Variants in RASIP1 observed in about 807,000 individuals in gnomAD.
RASIP1 encodes ras-interacting protein 1.
In RASIP1, 20 loss-of-function variants were observed where a neutral mutation model predicts 85.3. The observed-to-expected ratio is 0.23, with a 90% confidence interval of 0.17 to 0.34. The LOEUF is 0.34. RASIP1 is among the 10% of genes least tolerant of loss of function. RASIP1 has a pLI of 1.00. For missense variants in RASIP1, 1,170 were observed against 1,390.9 expected, an observed-to-expected ratio of 0.84 and a Z score of 2.53; for synonymous variants, 617 against 647.1, an observed-to-expected ratio of 0.95 and a Z score of 0.71.
In RASIP1 at chr19:48,739,619, C is replaced by G; in HGVS notation, c.164G>C (p.Arg55Pro). Reference sequence around the variant, plus strand: ...GGGCGGAGGTAGCGGCTCGCTGCTGCGGCTCCCCGTGTCCGACGAAGAAGA... The same window carrying G: ...GGGCGGAGGTAGCGGCTCGCTGCTGGGGCTCCCCGTGTCCGACGAAGAAGA... ...VKSSSSDTGS[R>P]SSEPLPPPPP... is the part of the protein sequence containing the mutation. The change falls in exon 3 of 12, where the codon CGC (arginine) becomes CCC (proline). Residue 55 changes from arginine to proline, a missense_variant. Around this residue, in one of 4 missense-constraint regions of RASIP1, gnomAD observed 299 missense variants for 394.4 expected, o/e 0.76. Coordinates refer to ENST00000222145, the MANE Select transcript of RASIP1 (RefSeq NM_017805.3). The surrounding 1 kb of genome is among the most constrained non-coding windows in gnomAD (Gnocchi z 9.2). 1 of 1,446,408 alleles carries G rather than the reference C, an allele frequency of 6.9e-7. No individual in the cohort carries two copies. Among genetic ancestry groups the G allele is most frequent in the Non-Finnish European group, 9.1e-7 (1 of 1,099,192 alleles). The allele number at this position is 1,446,408 out of a possible 1,614,324, so 89.6% of individuals were successfully genotyped here. A position where few individuals can be genotyped will look rare whatever the true frequency, so the allele number is the denominator to read the frequency against.
rs1414139099 is a variant in RASIP1 at position 48,728,973 on chromosome 19, C to T, written c.1797G>A (p.Leu599=). The T allele has an allele frequency of 6.9e-7, 1 of 1,459,476 alleles. No homozygotes were observed. Among genetic ancestry groups the T allele is most frequent in the Non-Finnish European group, 9.0e-7 (1 of 1,114,614 alleles). The allele number at this position is 1,459,476 out of a possible 1,614,324, so 90.4% of individuals were successfully genotyped here. ...CCTTGATGAGCCGGGCCAGGCGGCC[C>T]AGCAGTCGTGGCAGGTGGCCCAGCT... ...ELELGHLPRL[L]GRLARLIKEA... Residue 599 remains leucine, a synonymous_variant, in exon 5 of 12, where the codon CTG becomes CTA. Transcript: ENST00000222145.
chr19:48,723,872 A>G (rs1289295119), intron 10 of RASIP1, among the ~76,000 whole-genome samples: 2 of 150,260 alleles, frequency 1.3e-5, no homozygotes, highest in Non-Finnish European at 2.9e-5. Context: ...CAATGGTGCA[A>G]TCTTGGCTCA....
rs746678297 is a variant in RASIP1 at position 48,720,753 on chromosome 19, A to C, written c.*45T>G. On this transcript the variant is annotated 3_prime_UTR_variant, in exon 12 of 12. Transcript: ENST00000222145. Reference sequence around the variant, plus strand: ...GCTCAGGCGGGCTCCTGTCCGTAGAAGCCCGTGACATTTCAAGGTTCGCGC... The same window carrying C: ...GCTCAGGCGGGCTCCTGTCCGTAGACGCCCGTGACATTTCAAGGTTCGCGC... 1.9e-6 allele frequency: 3 copies of C among 1,591,314 alleles called. No homozygotes were observed. The highest frequency in any genetic ancestry group is 3.3e-5 in the Admixed American group (2 of 59,920).
chr19:48,724,694 G>C lies in RASIP1; in HGVS notation c.2371+23C>G. ...CAGTGGCTCCTGTCTTTGCCTCCCTGACAGCTCCCAGCCAACCTTCACCTC... is the reference window on the plus strand; with the variant it reads ...CAGTGGCTCCTGTCTTTGCCTCCCTCACAGCTCCCAGCCAACCTTCACCTC... On this transcript the variant is annotated intron_variant, in intron 9 of 11. Coordinates refer to ENST00000222145, the MANE Select transcript of RASIP1 (RefSeq NM_017805.3). The surrounding 1 kb of genome is among the most constrained non-coding windows in gnomAD (Gnocchi z 4.6). 6.2e-7 allele frequency: 1 copy of C among 1,613,422 alleles called. No homozygotes were observed.
At position 48,729,409 on chromosome 19, in the gene RASIP1, C is replaced by A; in HGVS notation, c.1361G>T (p.Arg454Leu). Residue 454 changes from arginine (R) to leucine (L), a missense_variant, in exon 5 of 12, where the codon CGG (arginine) becomes CTG (leucine). Coordinates refer to ENST00000222145, the MANE Select transcript of RASIP1 (RefSeq NM_017805.3). The stretch of plus-strand genomic sequence containing the variant: ...CCCGTTGTGCGTGACTGGGGCGCCC[C>A]GGGACGGGCGCACCATGGCCGGGTG... ...PEHPAMVRPS[R>L]GAPVTHNGCL... The A allele has an allele frequency of 6.4e-7, 1 of 1,556,580 alleles. No individual in the cohort carries two copies. The highest frequency in any genetic ancestry group is 2.4e-5 in the East Asian group (1 of 41,470).
At chr19:48,735,818 C>G (rs1486834306) in intron 3 of RASIP1, among the ~76,000 whole-genome samples, 1 of 149,652 alleles carries the variant, frequency 6.7e-6, no homozygotes, top group Admixed American at 6.6e-5. Flanking sequence ...TATTTCAATA[C>G]GTAGTCTCGC....
chr19:48,721,044 G>GGTAGTTGCATC, intron 11 of RASIP1, 47 bp from the exon 12 acceptor site: 1 of 1,471,980 alleles, frequency 6.8e-7, no homozygotes, highest in East Asian at 2.4e-5. Context: ...GTGGGAGTGA[G>GGTAGTTGCATC]GTAGTTGCAT....
intron 10 of RASIP1, 127 bp from the exon 11 acceptor site, chr19:48,722,128 CA>C: frequency 1.1e-6 from 1 of 928,582 alleles, no homozygotes; most frequent in South Asian, 2.8e-5. Context: ...GTCTTCTGGG[CA>C]CTGTGAAGTC....
rs1442540646 is a variant in RASIP1 at position 48,738,803 on chromosome 19, G to A, written c.823+157C>T. 1 of 952,224 alleles carries A rather than the reference G, an allele frequency of 1.1e-6. No homozygotes were observed. The highest frequency in any genetic ancestry group is 1.7e-5 in the African/African-American group (1 of 57,842). 59.0% of individuals were successfully genotyped at this position (952,224 alleles called of 1,614,324 possible). ...CCCGGCCCTGCTCTAGCTCTGCCTA[G>A]AGTCCAACACGCACCGTCCAGTCCC... On this transcript the variant is annotated intron_variant, in intron 3 of 11. Transcript: ENST00000222145. This position sits in a 1 kb window ranked among gnomAD's most constrained non-coding sequence, Gnocchi z 4.0.
intron 5 of RASIP1, 41 bp from the exon 6 acceptor site, chr19:48,727,471 A>C (rs1402710750): frequency 6.3e-7 from 1 of 1,595,090 alleles, no homozygotes; most frequent in Non-Finnish European, 8.6e-7. Flanking sequence ...AGGGGGATCC[A>C]CTGAGGGGCT....
chr19:48,724,008 A>T lies in RASIP1; in HGVS notation c.2544+329T>A, dbSNP rs2033297926. 6.6e-6 allele frequency among the ~76,000 whole-genome samples: 1 copy of T among 152,254 alleles called. No homozygotes were observed. Among genetic ancestry groups the T allele is most frequent in the South Asian group, 2.1e-4 (1 of 4,826 alleles). ...TTTTTAGTAGAGACAGCGTTTCGCC[A>T]TGTTGGCCAGGCTGGTCTCAAACTC... On this transcript the variant is annotated intron_variant, in intron 10 of 11. Transcript: ENST00000222145. The surrounding 1 kb of genome is among the most constrained non-coding windows in gnomAD (Gnocchi z 4.6).
chr19:48,724,935 A>G lies in RASIP1; in HGVS notation c.2153T>C (p.Leu718Pro). ...AGCTGTGAAAGGGTTACTATCCAGG[A>G]GAGCAGGCAGCGTTGAATAGAGAGT... ...TKTLYSTLPALLDSNPFTAGA... is the reference protein window; with the variant it reads ...TKTLYSTLPAPLDSNPFTAGA... Residue 718 changes from leucine to proline, a missense_variant, in exon 9 of 12, where the codon CTC becomes CCC. Around this residue, in one of 4 missense-constraint regions of RASIP1, gnomAD observed 426 missense variants for 576.2 expected, o/e 0.74. Coordinates refer to ENST00000222145, the MANE Select transcript of RASIP1 (RefSeq NM_017805.3). This position sits in a 1 kb window ranked among gnomAD's most constrained non-coding sequence, Gnocchi z 4.6. 1 of 1,613,580 alleles carries G rather than the reference A, an allele frequency of 6.2e-7. No individual in the cohort carries two copies. Among genetic ancestry groups the G allele is most frequent in the Non-Finnish European group, 8.5e-7 (1 of 1,179,500 alleles).
rs1180911861 is a variant in RASIP1, at chr19:48,729,302, G to A, written c.1468C>T (p.Pro490Ser). ...GEHFLFMYKD[P>S]RTGGSGPARP... ...GCAGGCCCCGAGCCCCCAGTGCGGG[G>A]GTCCTTGTACATGAACAGGAAGTGC... Residue 490 changes from proline (P) to serine (S), a missense_variant, in exon 5 of 12, where the codon CCC (proline) becomes TCC (serine). Coordinates refer to ENST00000222145, the MANE Select transcript of RASIP1 (RefSeq NM_017805.3). The A allele has an allele frequency of 7.7e-6, 12 of 1,555,466 alleles. No individual in the cohort carries two copies. In the South Asian group the frequency reaches 1.3e-4, roughly 17 times the overall value.
chr19:48,735,209 T>C lies in RASIP1; in HGVS notation c.1166A>G (p.Tyr389Cys), dbSNP rs748020158. ...NRPYFLLLQG[Y>C]QDAQDFVVYV... ...GGCGGCGGTTACCTGGGCGTCCTGG[T>C]AGCCCTGGAGCAGCAGGAAGTAGGG... Residue 389 changes from tyrosine (Y) to cysteine (C), a missense_variant, in exon 4 of 12, where the codon TAC becomes TGC. This residue lies in a region of RASIP1 where 301 missense variants were observed against 294.8 expected (regional missense o/e 1.02). Transcript: ENST00000222145. 1.2e-5 allele frequency: 19 copies of C among 1,609,884 alleles called. No homozygotes were observed. Among genetic ancestry groups the C allele is most frequent in the Non-Finnish European group, 1.6e-5 (19 of 1,177,126 alleles).
In RASIP1 at chr19:48,721,838, TC is replaced by T; in HGVS notation, c.2692+15del. ...GAAAGCTGACAGCCCCAATGCTGTA[TC>T]CCATTGCTCCTCACCTGTGTCCACA... On this transcript the variant is annotated intron_variant, in intron 11 of 11. Coordinates refer to ENST00000222145, the MANE Select transcript of RASIP1 (RefSeq NM_017805.3). 6.3e-7 allele frequency: 1 copy of T among 1,597,692 alleles called. No individual in the cohort carries two copies. The highest frequency in any genetic ancestry group is 8.5e-7 in the Non-Finnish European group (1 of 1,173,150).
At position 48,740,021 on chromosome 19, in the gene RASIP1, CA is replaced by C; in HGVS notation, c.137+124del. 2.3e-6 allele frequency: 3 copies of C among 1,299,392 alleles called. No individual in the cohort carries two copies. In the South Asian group the frequency reaches 4.6e-5, roughly 20 times the overall value. The allele number at this position is 1,299,392 out of a possible 1,614,324, so 80.5% of individuals were successfully genotyped here. ...CTGTGCCCCACCGTCTCCCCCTGCC[CA>C]CCAGCTCGTTTGCCCAATTCAGGAT... On this transcript the variant is annotated intron_variant, in intron 2 of 11. Coordinates refer to ENST00000222145, the MANE Select transcript of RASIP1 (RefSeq NM_017805.3). This position sits in a 1 kb window ranked among gnomAD's most constrained non-coding sequence, Gnocchi z 5.5.
Position 48,724,248 on chromosome 19 carries a change from A to C in RASIP1, c.2544+89T>G. On this transcript the variant is annotated intron_variant, in intron 10 of 11. Transcript: ENST00000222145. This position sits in a 1 kb window ranked among gnomAD's most constrained non-coding sequence, Gnocchi z 4.6. ...TGGGGATGGCATGGGGTTCAAGGGG[A>C]GCTCTGACGGTGAGCTGAATATAGA... 7.2e-7 allele frequency: 1 copy of C among 1,391,718 alleles called. No homozygotes were observed. The highest frequency in any genetic ancestry group is 1.4e-5 in the South Asian group (1 of 73,982). The allele number at this position is 1,391,718 out of a possible 1,614,324, so 86.2% of individuals were successfully genotyped here.
intron 3 of RASIP1, among the ~76,000 whole-genome samples, chr19:48,736,957 A>T (rs889611747): frequency 2.0e-5 from 3 of 152,132 alleles, no homozygotes; most frequent in Non-Finnish European, 2.9e-5. Context: ...GAATTGCTTG[A>T]ACCGGGAGGT....
chr19:48,733,679 C>T (rs969880597), intron 4 of RASIP1, among the ~76,000 whole-genome samples: 16 of 152,152 alleles, frequency 1.1e-4, no homozygotes, highest in Non-Finnish European at 1.9e-4. Flanking sequence ...TCATGGCAGG[C>T]GCCTATAATC....
Sources: gnomAD v4.1 joint callset for allele counts (sites outside exome capture counted in the v4.1 genomes callset) on GRCh38, gnomAD v4.1.1 for gene constraint, gnomAD v4.1.1 regional missense constraint, Gnocchi (gnomAD v3.1) non-coding constraint, MANE v1.5 for transcripts, NCBI Gene and HGNC (gene_info 2026-07-23, HGNC 2026-07-21) for gene names.